Variants in QSER1 observed in about 807,000 individuals in gnomAD.
QSER1 encodes glutamine and serine rich 1.
In QSER1, 49 loss-of-function variants were observed where a neutral mutation model predicts 158.5. The observed-to-expected ratio is 0.31, with a 90% CI of 0.25 to 0.39. The LOEUF (loss-of-function observed/expected upper bound fraction) is 0.39, where lower values mean the gene tolerates loss of function less well. Ranked by LOEUF, QSER1 falls within the 10% of genes least tolerant of loss-of-function variation. The pLI is 1.00. For synonymous variants in QSER1, 650 were observed against 715.5 expected (o/e 0.91, Z 1.46); for missense variants, 1,754 against 2,010.3 (o/e 0.87, Z 2.44).
intron 8 of QSER1, among the ~76,000 whole-genome samples, chr11:32,962,451 C>T (rs1176456730): frequency 6.6e-6 from 1 of 152,140 alleles, no homozygotes; most frequent in Non-Finnish European, 1.5e-5. Context: ...AATGTTTCCT[C>T]CCATTTTGTA....
chr11:32,957,987 G>C lies in QSER1; in HGVS notation c.4870G>C (p.Glu1624Gln). Residue 1624 changes from glutamate (E) to glutamine (Q), a missense_variant, in exon 8 of 13, where the codon GAG (glutamate) becomes CAG (glutamine). Around this residue, in one of 2 missense-constraint regions of QSER1, gnomAD observed 1,707 missense variants for 1,919.6 expected, o/e 0.89. Transcript: ENST00000650167. ...PKVKQPKVKAEPPPKKRKKWK... is the reference protein window; with the variant it reads ...PKVKQPKVKAQPPPKKRKKWK... ...AGTTAAACAGCCAAAAGTAAAGGCT[G>C]AGCCACCACCAAAGAAACGGAAAAA... 3.1e-6 allele frequency: 5 copies of C among 1,614,064 alleles called. No homozygotes were observed. Among genetic ancestry groups the C allele is most frequent in the Non-Finnish European group, 4.2e-6 (5 of 1,180,004 alleles).
At chr11:32,921,792 C>CA (rs1360416458) in intron 1 of QSER1, among the ~76,000 whole-genome samples, 2 of 152,038 alleles carry the variant, frequency 1.3e-5, no homozygotes, top group Admixed American at 6.5e-5. Flanking sequence ...CCTAGCACAG[C>CA]AAAACAATTT....
chr11:32,935,260 T>C lies in QSER1; in HGVS notation c.4002T>C (p.Ser1334=), dbSNP rs1467881720. Residue 1334 remains serine (S), a synonymous_variant, in exon 4 of 13, where the codon TCT becomes TCC. Transcript: ENST00000650167. ...PSSTTPTPLV[S]ETGGNSPSDK... The stretch of plus-strand genomic sequence containing the variant: ...CTACAACACCCACACCTTTAGTGTC[T>C]GAAACTGGCGGTAACAGTCCATCAG... 1.2e-6 allele frequency: 2 copies of C among 1,613,912 alleles called. No individual in the cohort carries two copies. The highest frequency in any genetic ancestry group is 4.5e-5 in the East Asian group (2 of 44,884).
At chr11:32,943,145 G>A (rs1852268966) in intron 4 of QSER1, among the ~76,000 whole-genome samples, 1 of 151,900 alleles carries the variant, frequency 6.6e-6, no homozygotes, top group South Asian at 2.1e-4. Flanking sequence ...TGAGACAATG[G>A]GGTTTTCTAG....
At chr11:32,970,331 GA>G (rs376515727) in intron 10 of QSER1, among the ~76,000 whole-genome samples, 81 of 152,154 alleles carry the variant, frequency 5.3e-4, no homozygotes, top group African/African-American at 1.8e-3. Flanking sequence ...TTCGCAGGAA[GA>G]AAAAAAATTT....
chr11:32,897,978 G>A (rs1017094307), intron 1 of QSER1, among the ~76,000 whole-genome samples: 1 of 152,186 alleles, frequency 6.6e-6, no homozygotes, highest in African/African-American at 2.4e-5. Context: ...CACTGCTCCA[G>A]CTGGTCCAAG....
chr11:32,954,733 T>C (rs1222700717), intron 5 of QSER1, among the ~76,000 whole-genome samples: 2 of 152,208 alleles, frequency 1.3e-5, no homozygotes, highest in Non-Finnish European at 1.5e-5. Flanking sequence ...TTGACCAGGC[T>C]GGTCTCAAAC....
intron 4 of QSER1, among the ~76,000 whole-genome samples, chr11:32,945,136 A>C (rs1208358234): frequency 3.1e-5 from 4 of 127,972 alleles, no homozygotes; most frequent in Admixed American, 8.1e-5. Context: ...GTGTCTCTGC[A>C]CGTGAGATGG....
chr11:32,971,840 G>A (rs897347944), intron 10 of QSER1, among the ~76,000 whole-genome samples: 1 of 152,068 alleles, frequency 6.6e-6, no homozygotes, highest in Admixed American at 6.5e-5. Flanking sequence ...GAGGTGGGCG[G>A]ATCATGAGGT....
intron 10 of QSER1, among the ~76,000 whole-genome samples, chr11:32,971,653 G>A (rs749247870): frequency 8.5e-5 from 13 of 152,208 alleles, no homozygotes; most frequent in Non-Finnish European, 1.2e-4. Context: ...AAGCTCGAAC[G>A]TGATGGTAGC....
intron 11 of QSER1, 61 bp from the exon 12 acceptor site, chr11:32,975,187 C>A: frequency 1.6e-6 from 2 of 1,217,116 alleles, no homozygotes; most frequent in Middle Eastern, 3.0e-4. Context: ...GTATTTTCCT[C>A]AAAGTGTTCT....
At chr11:32,940,470 G>A (rs1029826618) in intron 4 of QSER1, among the ~76,000 whole-genome samples, 1 of 151,958 alleles carries the variant, frequency 6.6e-6, no homozygotes. Flanking sequence ...AGTATTTTTT[G>A]TCTTAATCTG....
intron 9 of QSER1, 38 bp downstream of exon 9, chr11:32,966,475 C>G (rs1319526216): frequency 6.4e-7 from 1 of 1,569,202 alleles, no homozygotes; most frequent in African/African-American, 1.4e-5. Flanking sequence ...GGTAGTACTT[C>G]CTGGAATTAA....
chr11:32,965,723 G>A (rs1852729350), intron 8 of QSER1, among the ~76,000 whole-genome samples: 1 of 152,102 alleles, frequency 6.6e-6, no homozygotes, highest in Admixed American at 6.5e-5. Flanking sequence ...GAGGCAGGCA[G>A]ATCACCTGAG....
chr11:32,952,404 A>G (rs1022836168), intron 4 of QSER1, among the ~76,000 whole-genome samples: 11 of 144,296 alleles, frequency 7.6e-5, no homozygotes, highest in Non-Finnish European at 1.4e-4. Context: ...CTATTAACAC[A>G]GTGTATTACA....
At chr11:32,925,493 T>TA (rs1252587530) in intron 1 of QSER1, among the ~76,000 whole-genome samples, 23 of 141,984 alleles carry the variant, frequency 1.6e-4, no homozygotes, top group South Asian at 2.3e-4. Context: ...ATACATCGCT[T>TA]TTTTATTTAT....
intron 1 of QSER1, among the ~76,000 whole-genome samples, chr11:32,924,578 AAG>A (rs1564931218): frequency 2.0e-5 from 3 of 151,604 alleles, no homozygotes; most frequent in African/African-American, 4.8e-5. Context: ...AAAAAAAAAA[AAG>A]GAATAAATAA....
intron 11 of QSER1, among the ~76,000 whole-genome samples, chr11:32,974,508 GT>G (rs1852935860): frequency 6.6e-6 from 1 of 152,006 alleles, no homozygotes; most frequent in Admixed American, 6.6e-5. Flanking sequence ...GGAATTGTTT[GT>G]AAGAGCAATC....
rs1406364581 is a variant in QSER1, at chr11:32,979,952, A to C, written c.*3478A>C. 1.3e-5 allele frequency: 2 copies of C among 152,316 alleles called. No homozygotes were observed. Among genetic ancestry groups the C allele is most frequent in the Non-Finnish European group, 2.9e-5 (2 of 68,042 alleles). 9.4% of individuals were successfully genotyped at this position (152,316 alleles called of 1,614,324 possible). A position where few individuals can be genotyped will look rare whatever the true frequency, so the allele number is the denominator to read the frequency against. ...CCAAGATGCTTTTCATATAGAGTGA[A>C]ATATCCCAGGATAACTGCTTCTGTG... On this transcript the variant is annotated 3_prime_UTR_variant, in exon 13 of 13. Transcript: ENST00000650167.
Sources: allele counts gnomAD v4.1 joint callset (sites outside exome capture counted in the v4.1 genomes callset), GRCh38; gene constraint gnomAD v4.1.1; regional missense constraint gnomAD v4.1.1; transcripts MANE v1.5; gene names NCBI Gene and HGNC (gene_info 2026-07-23, HGNC 2026-07-21).